The following TENM2 variants were observed in gnomAD, a reference collection of about 807,000 sequenced individuals.
TENM2 encodes the protein teneurin-2.
A neutral mutation model predicts 245.2 loss-of-function variants in TENM2; 52 were observed. The ratio of observed to expected loss-of-function variants is 0.21; its 90% CI spans 0.17 to 0.27. The LOEUF is 0.27. Among genes scored for constraint, TENM2 ranks in the 10% least tolerant of loss-of-function variants. TENM2 has a pLI of 1.00. For missense variants in TENM2, 3,046 were observed against 3,666.8 expected, an observed-to-expected ratio of 0.83 and a Z score of 4.37; for synonymous variants, 1,363 against 1,438.9, an observed-to-expected ratio of 0.95 and a Z score of 1.19.
chr5:167,333,559 C>T (rs913924743), intron 1 of TENM2, among the ~76,000 whole-genome samples: 4 of 152,070 alleles, frequency 2.6e-5, no homozygotes, highest in African/African-American at 9.7e-5. Flanking sequence ...GTCCTTGGGC[C>T]AGCTAAAATA....
intron 3 of TENM2, among the ~76,000 whole-genome samples, chr5:167,893,622 G>A (rs1774939190): frequency 1.3e-5 from 2 of 150,596 alleles, no homozygotes; most frequent in Non-Finnish European, 3.0e-5. Flanking sequence ...AACAAAAAAG[G>A]TTTTTTTGTT....
intron 2 of TENM2, among the ~76,000 whole-genome samples, chr5:167,614,277 C>A (rs1286808256): frequency 2.6e-5 from 4 of 152,080 alleles, no homozygotes; most frequent in African/African-American, 9.7e-5. Flanking sequence ...TAAACAATAT[C>A]TGTCTGCAAG....
At chr5:167,162,311 C>T in the TENM2 span, among the ~76,000 whole-genome samples, 1 of 152,008 alleles carries the variant, frequency 6.6e-6, no homozygotes. Context: ...TGTTGGACTT[C>T]TAAGCATATA....
At chr5:167,277,491 T>G in the TENM2 span, among the ~76,000 whole-genome samples, 2 of 152,156 alleles carry the variant, frequency 1.3e-5, no homozygotes, top group Non-Finnish European at 2.9e-5. Flanking sequence ...TGATTTCAAT[T>G]CTTTAAAAAT....
chr5:167,972,616 A>G (rs1334283227), intron 4 of TENM2, among the ~76,000 whole-genome samples: 1 of 152,180 alleles, frequency 6.6e-6, no homozygotes, highest in Non-Finnish European at 1.5e-5. Flanking sequence ...GGTATGTATA[A>G]TGTGCATTTT....
At chr5:167,775,560 T>G (rs141341580) in intron 2 of TENM2, among the ~76,000 whole-genome samples, 192 of 152,276 alleles carry the variant, frequency 1.3e-3, no homozygotes, top group African/African-American at 4.4e-3. Context: ...TTACTAGAAG[T>G]GTTTAGGAAA....
intron 4 of TENM2, among the ~76,000 whole-genome samples, chr5:167,971,365 T>C (rs1781766273): frequency 1.4e-5 from 1 of 72,854 alleles, no homozygotes; most frequent in Non-Finnish European, 2.4e-5. Context: ...CATTAGAAAA[T>C]ATTAGAAGGA....
chr5:167,339,670 A>G (rs1172777081), intron 1 of TENM2, among the ~76,000 whole-genome samples: 1 of 151,794 alleles, frequency 6.6e-6, no homozygotes, highest in Non-Finnish European at 1.5e-5. Flanking sequence ...CTGCTATGGT[A>G]TGTGTCTCCC....
exon 27 of TENM2, chr5:168,246,923 C>T (rs749412027): frequency 7.8e-5 from 126 of 1,613,926 alleles, no homozygotes; most frequent in East Asian, 1.6e-4. Flanking sequence ...AGCAATGCTT[C>T]GGTCATCTTT....
the TENM2 span, among the ~76,000 whole-genome samples, chr5:167,106,993 C>T: frequency 6.6e-6 from 1 of 151,486 alleles, no homozygotes; most frequent in African/African-American, 2.4e-5. Flanking sequence ...GCCTGTAATC[C>T]TAGCACTTTG....
At chr5:167,465,605 G>A (rs753146584) in intron 2 of TENM2, among the ~76,000 whole-genome samples, 3 of 152,192 alleles carry the variant, frequency 2.0e-5, no homozygotes, top group Admixed American at 1.3e-4. Flanking sequence ...CGAGGCAGGC[G>A]GATCACGAGG....
intron 2 of TENM2, among the ~76,000 whole-genome samples, chr5:167,820,002 C>T (rs1297913145): frequency 6.6e-6 from 1 of 152,174 alleles, no homozygotes; most frequent in African/African-American, 2.4e-5. Context: ...ATTGCCTCAA[C>T]TTTGCTGCTT....
intron 2 of TENM2, among the ~76,000 whole-genome samples, chr5:167,699,450 C>G (rs1433943370): frequency 6.6e-6 from 1 of 152,142 alleles, no homozygotes; most frequent in Non-Finnish European, 1.5e-5. Flanking sequence ...ATTTTTAAGT[C>G]AGAGAATTGT....
At position 167,541,653 on chromosome 5, in the gene TENM2, T is replaced by C. The variant is rs116384127; in HGVS notation, c.502+166180T>C. Among the ~76,000 whole-genome samples the C allele has an allele frequency of 8.2e-3, 1,243 of 152,240 alleles. 12 individuals carry two copies. Among genetic ancestry groups the C allele is most frequent in the African/African-American group, 0.028 (1,166 of 41,548 alleles). On this transcript the variant is annotated intron_variant, in intron 2 of 28. Transcript: ENST00000518659. The stretch of plus-strand genomic sequence containing the variant: ...AATTCAAATTGCTTTAAGTGTTCTT[T>C]GGAGACAAGACCAAAAACTACTGAA...
chr5:168,182,981 C>T (rs1581562939), intron 13 of TENM2, among the ~76,000 whole-genome samples: 1 of 152,138 alleles, frequency 6.6e-6, no homozygotes. Flanking sequence ...CAAGTGCGCG[C>T]CACCATGCCT....
At chr5:168,228,152 GT>G in intron 25 of TENM2, 22 bp downstream of exon 27, 2 of 1,584,388 alleles carry the variant, frequency 1.3e-6, no homozygotes, top group Non-Finnish European at 1.7e-6. Flanking sequence ...CACCCAATCT[GT>G]TACCACAGAG....
At chr5:167,365,232 G>A (rs750529807) in intron 1 of TENM2, among the ~76,000 whole-genome samples, 7 of 151,952 alleles carry the variant, frequency 4.6e-5, no homozygotes, top group Non-Finnish European at 1.0e-4. Context: ...AAAAATTTTG[G>A]AACTGAATGA....
chr5:167,546,149 G>A (rs1340292580), intron 2 of TENM2, among the ~76,000 whole-genome samples: 1 of 152,132 alleles, frequency 6.6e-6, no homozygotes, highest in Non-Finnish European at 1.5e-5. Flanking sequence ...TGAAGCAGAG[G>A]TTTGAACTCA....
At chr5:167,217,537 A>G in the TENM2 span, among the ~76,000 whole-genome samples, 1 of 152,000 alleles carries the variant, frequency 6.6e-6, no homozygotes, top group African/African-American at 2.4e-5. Context: ...AGAGTTTCAA[A>G]TGTCAGAGCT....
Sources: allele counts gnomAD v4.1 joint callset (sites outside exome capture counted in the v4.1 genomes callset), GRCh38; gene constraint gnomAD v4.1.1; transcripts MANE v1.5; gene names NCBI Gene and HGNC (gene_info 2026-07-23, HGNC 2026-07-21).